The following CDK19 variants were observed in gnomAD, a reference collection of about 807,000 sequenced individuals.
CDK19 encodes cyclin-dependent kinase 19.
CDK19 carries 20 observed loss-of-function variants against 68.3 expected under a neutral mutation model. That is an observed-to-expected ratio of 0.29 (90% CI 0.21 to 0.43). The LOEUF (loss-of-function observed/expected upper bound fraction) is 0.43. Ranked by LOEUF, CDK19 falls within the 20% of genes least tolerant of loss-of-function variation. CDK19 has a pLI of 1.00. For synonymous variants in CDK19, 221 were observed against 222.8 expected (o/e 0.99, Z 0.07); for missense variants, 339 against 623.5 (o/e 0.54, Z 4.86).
intron 3 of CDK19, among the ~76,000 whole-genome samples, chr6:110,670,182 A>G (rs1322247952): frequency 1.3e-5 from 2 of 152,140 alleles, no homozygotes; most frequent in East Asian, 3.8e-4. Flanking sequence ...CGGGCCAAAA[A>G]AAGTATAGTC....
intron 2 of CDK19, among the ~76,000 whole-genome samples, chr6:110,680,180 C>T (rs970554695): frequency 2.6e-5 from 4 of 152,194 alleles, no homozygotes; most frequent in African/African-American, 9.7e-5. Flanking sequence ...TAAATTAGCA[C>T]CTACTCTACC....
intron 1 of CDK19, among the ~76,000 whole-genome samples, chr6:110,809,892 A>G (rs1782954244): frequency 6.6e-6 from 1 of 152,196 alleles, no homozygotes; most frequent in Non-Finnish European, 1.5e-5. Context: ...ATGTAAGAAC[A>G]AAGGGGTAGA....
intron 2 of CDK19, among the ~76,000 whole-genome samples, chr6:110,689,338 A>C (rs1772776626): frequency 3.3e-5 from 5 of 152,012 alleles, no homozygotes. Context: ...GCTTAACACA[A>C]AAGACAAAAA....
chr6:110,781,203 G>A (rs1028487458), intron 1 of CDK19, among the ~76,000 whole-genome samples: 7 of 152,146 alleles, frequency 4.6e-5, no homozygotes, highest in East Asian at 1.9e-4. Context: ...ATCTGCTTCC[G>A]ATGAGGGCCT....
At chr6:110,765,255 A>G (rs1355625844) in intron 1 of CDK19, among the ~76,000 whole-genome samples, 2 of 152,094 alleles carry the variant, frequency 1.3e-5, no homozygotes, top group African/African-American at 4.8e-5. Context: ...ACGTCTCTAC[A>G]AAAAATTAAA....
intron 4 of CDK19, among the ~76,000 whole-genome samples, chr6:110,642,558 G>A (rs903858542): frequency 2.0e-5 from 3 of 152,146 alleles, no homozygotes; most frequent in Admixed American, 6.6e-5. Flanking sequence ...TAAGTACCAT[G>A]GAAAAGAAAA....
chr6:110,686,657 T>C (rs1234055740), intron 2 of CDK19, among the ~76,000 whole-genome samples: 3 of 152,210 alleles, frequency 2.0e-5, no homozygotes, highest in Non-Finnish European at 4.4e-5. Flanking sequence ...ATTTATTCCA[T>C]ATTGAGAAAA....
rs544898428 is a variant in CDK19 at position 110,798,306 on chromosome 6, G to C, written c.128+16703C>G. Among the ~76,000 whole-genome samples the C allele has an allele frequency of 2.6e-5, 4 of 152,142 alleles. No individual in the cohort carries two copies. In the South Asian group the frequency reaches 8.3e-4, roughly 32 times the overall value. ...AAGTAAAAAATCCTAAGAGATTCTG[G>C]AGAGGAAAAATACAAGTTTGAAAAA... On this transcript the variant is annotated intron_variant, in intron 1 of 12. Transcript: ENST00000368911.
Position 110,621,272 on chromosome 6 carries a change from G to A in CDK19, c.1209C>T (p.Thr403=). 1 of 1,613,192 alleles carries A rather than the reference G, an allele frequency of 6.2e-7. No individual in the cohort carries two copies. The change falls in exon 12 of 13, where the codon ACC becomes ACT. Residue 403 remains threonine, a synonymous_variant. Transcript: ENST00000368911. This position sits in a 1 kb window ranked among gnomAD's most constrained non-coding sequence, Gnocchi z 5.4. Reference sequence around the variant, plus strand: ...CCCCACCTGCGGTCCCGTTGGTCTGGGTGCTGTTCTGCTGTGGTGGGGGCG... The same window carrying A: ...CCCCACCTGCGGTCCCGTTGGTCTGAGTGCTGTTCTGCTGTGGTGGGGGCG... ...PQAPPPQQNS[T]QTNGTAGGAG...
intron 1 of CDK19, among the ~76,000 whole-genome samples, chr6:110,799,391 T>C (rs115165304): frequency 1.1e-4 from 17 of 152,164 alleles, no homozygotes; most frequent in African/African-American, 3.9e-4. Context: ...GCGGACCATG[T>C]GGTTGGTTTC....
chr6:110,678,845 C>T (rs1466692686), intron 2 of CDK19, among the ~76,000 whole-genome samples: 3 of 152,194 alleles, frequency 2.0e-5, no homozygotes, highest in African/African-American at 7.2e-5. Flanking sequence ...TATAAGCATA[C>T]AAATTATGTG....
chr6:110,725,397 A>G (rs556532117), intron 2 of CDK19, among the ~76,000 whole-genome samples: 39 of 152,320 alleles, frequency 2.6e-4, no homozygotes, highest in African/African-American at 9.1e-4. Flanking sequence ...TCTCAGAAAA[A>G]TAATGACTCA....
chr6:110,632,264 T>C (rs1582724442), intron 5 of CDK19, 103 bp from the exon 6 acceptor site: 1 of 853,656 alleles, frequency 1.2e-6, no homozygotes, highest in Non-Finnish European at 1.8e-6. Flanking sequence ...ATTAGAACCA[T>C]GCAAGGTTGA....
intron 4 of CDK19, among the ~76,000 whole-genome samples, chr6:110,665,163 G>A (rs924973725): frequency 6.6e-6 from 1 of 152,208 alleles, no homozygotes; most frequent in Non-Finnish European, 1.5e-5. Context: ...AAGGTCGAAA[G>A]TAGATTGGAA....
intron 9 of CDK19, 131 bp downstream of exon 9, chr6:110,623,159 C>T: frequency 1.3e-6 from 1 of 764,122 alleles, no homozygotes; most frequent in African/African-American, 1.7e-5. Flanking sequence ...GACATCTCAA[C>T]AAAAAAAATA....
At chr6:110,685,805 T>C (rs933639188) in intron 2 of CDK19, among the ~76,000 whole-genome samples, 1 of 152,170 alleles carries the variant, frequency 6.6e-6, no homozygotes, top group African/African-American at 2.4e-5. Flanking sequence ...GACCTGAGGC[T>C]CAAGCTAAAA....
At chr6:110,642,993 A>C (rs1582756772) in intron 4 of CDK19, among the ~76,000 whole-genome samples, 1 of 152,170 alleles carries the variant, frequency 6.6e-6, no homozygotes, top group Admixed American at 6.5e-5. Context: ...ATGGCTGGAG[A>C]GTTAAGGAAA....
At chr6:110,652,056 A>G (rs1781007155) in intron 4 of CDK19, among the ~76,000 whole-genome samples, 1 of 152,138 alleles carries the variant, frequency 6.6e-6, no homozygotes, top group South Asian at 2.1e-4. Context: ...CCTGGGCAAC[A>G]GAGCAAGATC....
chr6:110,745,875 G>A (rs1259464659), intron 2 of CDK19, among the ~76,000 whole-genome samples: 1 of 152,138 alleles, frequency 6.6e-6, no homozygotes, highest in South Asian at 2.1e-4. Flanking sequence ...GGCTAAGGCA[G>A]GAAGATCGCT....
Sources: allele counts gnomAD v4.1 joint callset (sites outside exome capture counted in the v4.1 genomes callset), GRCh38; gene constraint gnomAD v4.1.1; non-coding constraint Gnocchi (gnomAD v3.1); transcripts MANE v1.5; gene names NCBI Gene and HGNC (gene_info 2026-07-23, HGNC 2026-07-21).